Variants in PHLPP1 observed in about 807,000 individuals in gnomAD.
PHLPP1 encodes PH domain and leucine rich repeat protein phosphatase 1, also known as PH domain leucine-rich repeat-containing protein phosphatase 1.
PHLPP1 carries 42 observed loss-of-function variants against 117.2 expected under a neutral mutation model. The ratio of observed to expected loss-of-function variants is 0.36; its 90% CI spans 0.28 to 0.46. PHLPP1 has a LOEUF of 0.46. Ranked by LOEUF, PHLPP1 falls within the 20% of genes least tolerant of loss-of-function variation. PHLPP1 has a pLI of 1.00. For missense variants in PHLPP1, 2,084 were observed against 2,241.9 expected, an observed-to-expected ratio of 0.93 and a Z score of 1.42; for synonymous variants, 1,042 against 970.7, an observed-to-expected ratio of 1.07 and a Z score of -1.37.
chr18:62,913,552 G>A (rs1179136000), intron 8 of PHLPP1, among the ~76,000 whole-genome samples: 1 of 152,022 alleles, frequency 6.6e-6, no homozygotes, highest in Non-Finnish European at 1.5e-5. Context: ...ACTCATCTGT[G>A]TATAAAGAAT....
intron 4 of PHLPP1, among the ~76,000 whole-genome samples, chr18:62,891,804 G>C (rs970919301): frequency 6.8e-6 from 1 of 146,482 alleles, no homozygotes; most frequent in Non-Finnish European, 1.5e-5. Context: ...GAGGTGGGAG[G>C]ATCATCTGAG....
At chr18:62,891,888 CAAAAAAAAAAA>C (rs574107579) in intron 4 of PHLPP1, among the ~76,000 whole-genome samples, 2,515 of 79,204 alleles carry the variant, frequency 0.032, 97 homozygotes, top group African/African-American at 0.11. Flanking sequence ...GACCCTTTCT[CAAAAAAAAAAA>C]AAAAAAAAAA....
At chr18:62,801,433 G>C (rs1913779517) in intron 1 of PHLPP1, among the ~76,000 whole-genome samples, 7 of 151,798 alleles carry the variant, frequency 4.6e-5, no homozygotes, top group Admixed American at 4.6e-4. Context: ...TGATGCTAAA[G>C]AGATGCATCA....
At chr18:62,853,971 A>G (rs748953453) in intron 3 of PHLPP1, among the ~76,000 whole-genome samples, 1 of 152,222 alleles carries the variant, frequency 6.6e-6, no homozygotes, top group Non-Finnish European at 1.5e-5. Context: ...GGGCAGGTCT[A>G]TTAGTCTATA....
intron 4 of PHLPP1, among the ~76,000 whole-genome samples, chr18:62,869,078 C>G (rs1056672660): frequency 6.6e-6 from 1 of 152,210 alleles, no homozygotes; most frequent in African/African-American, 2.4e-5. Flanking sequence ...TTTTCATTCT[C>G]TTATTGCTCT....
intron 1 of PHLPP1, among the ~76,000 whole-genome samples, chr18:62,759,713 AG>A (rs1912151829): frequency 6.6e-6 from 1 of 152,220 alleles, no homozygotes; most frequent in Non-Finnish European, 1.5e-5. Context: ...GATATCTTCA[AG>A]TTTCTGTAAC....
At chr18:62,858,779 A>G (rs1306401911) in intron 3 of PHLPP1, among the ~76,000 whole-genome samples, 1 of 152,154 alleles carries the variant, frequency 6.6e-6, no homozygotes, top group Non-Finnish European at 1.5e-5. Context: ...TTATTATCTA[A>G]AAATATTTTT....
chr18:62,733,821 C>A (rs573448391), intron 1 of PHLPP1, among the ~76,000 whole-genome samples: 2 of 152,144 alleles, frequency 1.3e-5, no homozygotes, highest in Admixed American at 1.3e-4. Context: ...GTTCTGGGAT[C>A]CTGAATTGTT....
chr18:62,868,232 C>T (rs1310278661), intron 4 of PHLPP1, among the ~76,000 whole-genome samples: 1 of 152,128 alleles, frequency 6.6e-6, no homozygotes, highest in Admixed American at 6.6e-5. Flanking sequence ...AAGAATTAAA[C>T]AATACTACAG....
At chr18:62,831,342 C>CTTTTTTT (rs11293256) in intron 2 of PHLPP1, among the ~76,000 whole-genome samples, 1 of 143,238 alleles carries the variant, frequency 7.0e-6, no homozygotes, top group Non-Finnish European at 1.5e-5. Flanking sequence ...TTTTCTTTTT[C>CTTTTTTT]TTTTTTTTTT....
chr18:62,831,584 A>T (rs185337218), intron 2 of PHLPP1, among the ~76,000 whole-genome samples: 3 of 152,198 alleles, frequency 2.0e-5, no homozygotes, highest in Non-Finnish European at 4.4e-5. Context: ...TGATTCACCC[A>T]CTTTGGCCTC....
In PHLPP1 at chr18:62,716,157, C is replaced by G. The variant is rs879941266; in HGVS notation, c.474C>G (p.Pro158=). The change falls in exon 1 of 17, where the codon CCC becomes CCG. Residue 158 remains proline, a synonymous_variant. Coordinates refer to ENST00000262719, the MANE Select transcript of PHLPP1 (RefSeq NM_194449.4). The surrounding 1 kb of genome is among the most constrained non-coding windows in gnomAD (Gnocchi z 5.7). ...ASHSPGAAGL[P]ASCSASASLC... ...ACTCCCCCGGCGCTGCCGGCCTCCC[C>G]GCCTCCTGCTCGGCCTCGGCGTCGC... 8 of 1,518,454 alleles carry G rather than the reference C, an allele frequency of 5.3e-6. No individual in the cohort carries two copies. Among genetic ancestry groups the G allele is most frequent in the Non-Finnish European group, 7.0e-6 (8 of 1,139,300 alleles). 94.1% of individuals were successfully genotyped at this position (1,518,454 alleles called of 1,614,324 possible).
chr18:62,895,685 C>T, intron 5 of PHLPP1, 96 bp from the exon 6 acceptor site: 1 of 786,480 alleles, frequency 1.3e-6, no homozygotes, highest in South Asian at 1.7e-5. Flanking sequence ...AATACATTTT[C>T]TGGTAATACG....
chr18:62,803,845 C>A (rs1188426718), intron 1 of PHLPP1, among the ~76,000 whole-genome samples: 1 of 152,172 alleles, frequency 6.6e-6, no homozygotes, highest in East Asian at 1.9e-4. Context: ...ACATCCTTGT[C>A]AACGTTTGCT....
At chr18:62,777,489 T>C (rs1277795627) in intron 1 of PHLPP1, among the ~76,000 whole-genome samples, 1 of 149,734 alleles carries the variant, frequency 6.7e-6, no homozygotes, top group Non-Finnish European at 1.5e-5. Flanking sequence ...GTTTCTTATA[T>C]TCTTATTTAT....
chr18:62,922,612 GAAC>G (rs2144428923), intron 10 of PHLPP1, among the ~76,000 whole-genome samples: 1 of 152,266 alleles, frequency 6.6e-6, no homozygotes, highest in South Asian at 2.1e-4. Flanking sequence ...TGAATCTGTA[GAAC>G]CAAATAAAGG....
At chr18:62,840,833 C>T (rs1174360774) in intron 3 of PHLPP1, among the ~76,000 whole-genome samples, 1 of 152,192 alleles carries the variant, frequency 6.6e-6, no homozygotes, top group Non-Finnish European at 1.5e-5. Flanking sequence ...CACAATATAT[C>T]TCTCAAGTAT....
intron 10 of PHLPP1, among the ~76,000 whole-genome samples, chr18:62,938,571 C>A (rs1451154376): frequency 2.6e-5 from 4 of 152,120 alleles, no homozygotes; most frequent in Non-Finnish European, 4.4e-5. Flanking sequence ...TGACTATTAA[C>A]CAGCAAGGTG....
chr18:62,735,326 C>G (rs1020298450), intron 1 of PHLPP1, among the ~76,000 whole-genome samples: 1 of 152,078 alleles, frequency 6.6e-6, no homozygotes, highest in East Asian at 1.9e-4. Flanking sequence ...TCAAGTAATC[C>G]GCCTGTCTTG....
Sources: allele counts gnomAD v4.1 joint callset (sites outside exome capture counted in the v4.1 genomes callset), GRCh38; gene constraint gnomAD v4.1.1; non-coding constraint Gnocchi (gnomAD v3.1); transcripts MANE v1.5; gene names NCBI Gene and HGNC (gene_info 2026-07-23, HGNC 2026-07-21).